DAB1: variants seen among roughly 807,000 people sequenced by gnomAD.
DAB1 encodes disabled homolog 1.
In DAB1, 15 loss-of-function variants were observed where a neutral mutation model predicts 64.6. The observed-to-expected ratio is 0.23, with a 90% CI of 0.16 to 0.36. The LOEUF (loss-of-function observed/expected upper bound fraction) is 0.36. Ranked by LOEUF, DAB1 falls within the 10% of genes least tolerant of loss-of-function variation. The pLI, the probability that DAB1 is intolerant of heterozygous loss-of-function variation, is 1.00. For synonymous variants in DAB1, 235 were observed against 251.9 expected (o/e 0.93, Z 0.64); for missense variants, 596 against 706.7 (o/e 0.84, Z 1.78).
chr1:57,691,250 T>C (rs2101713460), intron 6 of DAB1, among the ~76,000 whole-genome samples: 1 of 152,192 alleles, frequency 6.6e-6, no homozygotes, highest in South Asian at 2.1e-4. Context: ...CAATCAGCGC[T>C]CTGTGTCTAG....
At chr1:57,968,084 G>A (rs964738873) in intron 5 of DAB1, among the ~76,000 whole-genome samples, 1 of 152,068 alleles carries the variant, frequency 6.6e-6, no homozygotes, top group African/African-American at 2.4e-5. Context: ...CCGAAATATT[G>A]TCTGAAAGAG....
At chr1:57,767,716 AC>A (rs1188459622) in intron 6 of DAB1, among the ~76,000 whole-genome samples, 2 of 152,124 alleles carry the variant, frequency 1.3e-5, no homozygotes, top group Non-Finnish European at 2.9e-5. Flanking sequence ...CACACCTACA[AC>A]CAAGCTCAGG....
chr1:57,687,620 GA>G (rs1406095589), intron 6 of DAB1, among the ~76,000 whole-genome samples: 1 of 95,132 alleles, frequency 1.1e-5, no homozygotes, highest in Non-Finnish European at 2.2e-5. Flanking sequence ...AAAAAAAAAA[GA>G]AAAAAAGAAC....
intron 6 of DAB1, among the ~76,000 whole-genome samples, chr1:57,763,385 A>G (rs1179795844): frequency 6.6e-6 from 1 of 152,144 alleles, no homozygotes; most frequent in Non-Finnish European, 1.5e-5. Flanking sequence ...TATATTTTAA[A>G]TATCTGTCTA....
chr1:57,416,570 A>G (rs1020863872), intron 1 of DAB1, among the ~76,000 whole-genome samples: 2 of 152,230 alleles, frequency 1.3e-5, no homozygotes, highest in African/African-American at 4.8e-5. Context: ...TGTCAATAAA[A>G]CATAGAAATG....
At chr1:57,868,617 T>TG (rs149205816) in intron 1 of DAB1, among the ~76,000 whole-genome samples, 2,427 of 152,164 alleles carry the variant, frequency 0.016, 37 homozygotes, top group Non-Finnish European at 0.023. Context: ...AAAGGTCAGC[T>TG]GGGGGGCAAA....
At chr1:57,771,992 A>G (rs1649583375) in intron 6 of DAB1, among the ~76,000 whole-genome samples, 1 of 152,056 alleles carries the variant, frequency 6.6e-6, no homozygotes, top group Non-Finnish European at 1.5e-5. Flanking sequence ...TTGCTAATCT[A>G]TTCACTTGTT....
intron 4 of DAB1, among the ~76,000 whole-genome samples, chr1:58,251,405 A>G (rs1428956326): frequency 6.6e-6 from 1 of 152,222 alleles, no homozygotes; most frequent in Admixed American, 6.5e-5. Context: ...GATAGTAATA[A>G]TCGCTATTGA....
chr1:57,148,668 T>C (rs1659376682), intron 2 of DAB1, among the ~76,000 whole-genome samples: 1 of 152,206 alleles, frequency 6.6e-6, no homozygotes, highest in Admixed American at 6.5e-5. Flanking sequence ...ATCACCCATA[T>C]GGTCACTGTT....
intron 5 of DAB1, among the ~76,000 whole-genome samples, chr1:58,041,226 G>T (rs1647130786): frequency 6.6e-6 from 1 of 152,134 alleles, no homozygotes; most frequent in African/African-American, 2.4e-5. Context: ...TCTTATGCAA[G>T]CCTGCATATT....
At chr1:58,527,431 A>T in intron 1 of DAB1, 1 of 695,658 alleles carries the variant, frequency 1.4e-6, no homozygotes, top group Non-Finnish European at 2.6e-6. Context: ...TTCATGGAGT[A>T]TCTAGGATAA....
chr1:57,287,952 T>A (rs1995527), intron 2 of DAB1, among the ~76,000 whole-genome samples: 6,387 of 151,982 alleles, frequency 0.042, 424 homozygotes, highest in African/African-American at 0.15. Context: ...CGTGCCACCA[T>A]GCCTGACTAA....
chr1:58,359,013 G>C (rs1644138973), intron 3 of DAB1, among the ~76,000 whole-genome samples: 1 of 148,572 alleles, frequency 6.7e-6, no homozygotes, highest in African/African-American at 2.5e-5. Context: ...GGTCTGAAGA[G>C]AGAAAGTGAG....
chr1:57,344,346 A>G (rs1306953484), intron 1 of DAB1, among the ~76,000 whole-genome samples: 5 of 152,200 alleles, frequency 3.3e-5, no homozygotes, highest in African/African-American at 1.2e-4. Context: ...TGTTAAAGAA[A>G]ATAAGCTAAG....
chr1:57,495,647 A>G (rs1210580456), intron 7 of DAB1, among the ~76,000 whole-genome samples: 1 of 152,184 alleles, frequency 6.6e-6, no homozygotes, highest in Non-Finnish European at 1.5e-5. Context: ...ATATTAAAAC[A>G]TGGAATAAAT....
chr1:57,025,570 C>A (rs1037997190), intron 10 of DAB1, among the ~76,000 whole-genome samples: 5 of 152,150 alleles, frequency 3.3e-5, no homozygotes, highest in African/African-American at 1.2e-4. Context: ...CTGTACTGGG[C>A]TTGGGGCAGG....
chr1:58,458,209 A>G (rs1645209576), intron 3 of DAB1, among the ~76,000 whole-genome samples: 1 of 152,164 alleles, frequency 6.6e-6, no homozygotes, highest in South Asian at 2.1e-4. Context: ...CAAATGCTCA[A>G]TAGCCACATG....
At chr1:58,007,163 A>G (rs1406612904) in intron 5 of DAB1, among the ~76,000 whole-genome samples, 1 of 152,174 alleles carries the variant, frequency 6.6e-6, no homozygotes, top group Non-Finnish European at 1.5e-5. Context: ...TTACTGGCAA[A>G]TCCAGAAACA....
At chr1:57,428,478 C>T (rs573279896), upstream of DAB1, among the ~76,000 whole-genome samples, 1 of 152,248 alleles carries the variant, frequency 6.6e-6, no homozygotes, top group South Asian at 2.1e-4. Flanking sequence ...CATGATGTCG[C>T]CAATGGTAGG....
Sources: gnomAD v4.1 joint callset for allele counts (sites outside exome capture counted in the v4.1 genomes callset) on GRCh38, gnomAD v4.1.1 for gene constraint, MANE v1.5 for transcripts, NCBI Gene and HGNC (gene_info 2026-07-23, HGNC 2026-07-21) for gene names.